The following PTPRQ variants were observed in gnomAD, a reference collection of about 807,000 sequenced individuals.
PTPRQ encodes the protein phosphatidylinositol phosphatase PTPRQ.
In PTPRQ, 199 loss-of-function variants were observed where a neutral mutation model predicts 246.0. That is an observed-to-expected ratio of 0.81 (90% confidence interval 0.72 to 0.91). PTPRQ has a LOEUF of 0.91. Ranked by LOEUF, PTPRQ falls within the 40% of genes least tolerant of loss-of-function variation. The probability of loss-of-function intolerance (pLI) is 0.00; values close to 1 mark genes in which losing one functional copy is unlikely to be tolerated. For missense variants in PTPRQ, 2,624 were observed against 2,528.4 expected (o/e 1.04, Z -0.81); for synonymous variants, 869 against 853.2 (o/e 1.02, Z -0.32).
intron 20 of PTPRQ, among the ~76,000 whole-genome samples, chr12:80,541,295 G>C (rs575981546): frequency 6.6e-6 from 1 of 151,918 alleles, no homozygotes; most frequent in African/African-American, 2.4e-5. Flanking sequence ...TCTCCACATA[G>C]TAGGAAAGAA....
chr12:80,539,824 T>C lies in PTPRQ; in HGVS notation c.3034T>C (p.Ser1012Pro). The change falls in exon 20 of 45, where the codon TCC becomes CCC. Residue 1012 changes from serine (S) to proline (P), a missense_variant. Ser to Pro is a moderately conservative substitution (Grantham distance 74). Transcript: ENST00000644991. ...CAATGACTTTGACAATATGACTGTA[T>C]CCACAATTATAGATAAACTGACAAT... is the stretch of plus-strand genomic sequence containing the variant. ...VTNDFDNMTV[S>P]TIIDKLTIFS... 2 of 1,548,210 alleles carry C rather than the reference T, an allele frequency of 1.3e-6. No homozygotes were observed. Among genetic ancestry groups the C allele is most frequent in the African/African-American group, 1.4e-5 (1 of 73,036 alleles).
intron 9 of PTPRQ, among the ~76,000 whole-genome samples, chr12:80,486,899 A>G (rs12369581): frequency 0.21 from 31,662 of 151,972 alleles, 3,629 homozygotes; most frequent in African/African-American, 0.28. Context: ...TTTTGAAACT[A>G]TTTGTTCCTT....
chr12:80,605,923 G>A (rs11831880), intron 27 of PTPRQ, among the ~76,000 whole-genome samples: 8,683 of 150,854 alleles, frequency 0.058, 773 homozygotes, highest in African/African-American at 0.19. Flanking sequence ...AGTATGGGGG[G>A]TGTAAAATCA....
chr12:80,515,742 C>CTTTTT (rs34385655), intron 17 of PTPRQ, among the ~76,000 whole-genome samples: 1 of 137,890 alleles, frequency 7.3e-6, no homozygotes, highest in South Asian at 2.3e-4. Context: ...CTGAATATTT[C>CTTTTT]TTTTTTTTTT....
At chr12:80,585,368 T>G (rs1351606374) in intron 25 of PTPRQ, among the ~76,000 whole-genome samples, 2 of 152,168 alleles carry the variant, frequency 1.3e-5, no homozygotes, top group East Asian at 3.8e-4. Flanking sequence ...GAGCTGAATG[T>G]TTCTCTTCAC....
intron 14 of PTPRQ, among the ~76,000 whole-genome samples, chr12:80,505,167 G>T (rs996408490): frequency 7.8e-4 from 118 of 151,912 alleles, no homozygotes; most frequent in African/African-American, 2.7e-3. Flanking sequence ...AAATGCAAAG[G>T]CACCAGGATT....
intron 8 of PTPRQ, among the ~76,000 whole-genome samples, chr12:80,479,178 T>A (rs1403505273): frequency 6.6e-6 from 1 of 151,626 alleles, no homozygotes; most frequent in African/African-American, 2.4e-5. Flanking sequence ...AGCAGATCTC[T>A]CGGCAGAAAC....
chr12:80,514,402 A>ACACACACACACACACACACTCTCTCTCT (rs552667526), intron 17 of PTPRQ, among the ~76,000 whole-genome samples: 2 of 112,980 alleles, frequency 1.8e-5, no homozygotes, highest in African/African-American at 6.5e-5. Flanking sequence ...ACACACACAC[A>ACACACACACACACACACACTCTCTCTCT]CTCTCTCTCT....
chr12:80,452,085 T>C (rs1030339155), intron 3 of PTPRQ, among the ~76,000 whole-genome samples: 1 of 62,462 alleles, frequency 1.6e-5, no homozygotes, highest in Non-Finnish European at 3.0e-5. Flanking sequence ...TAGTTAGCTC[T>C]TCTTGTTGAA....
intron 25 of PTPRQ, among the ~76,000 whole-genome samples, chr12:80,579,864 G>A (rs1328492583): frequency 6.6e-6 from 1 of 152,022 alleles, no homozygotes; most frequent in African/African-American, 2.4e-5. Context: ...TGGGAAGATT[G>A]GGTTGATAAT....
chr12:80,590,302 C>G (rs77608456), intron 26 of PTPRQ, among the ~76,000 whole-genome samples: 1 of 152,082 alleles, frequency 6.6e-6, no homozygotes, highest in Admixed American at 6.5e-5. Context: ...ACAGCACTAG[C>G]CTAACTAGCC....
intron 33 of PTPRQ, among the ~76,000 whole-genome samples, chr12:80,628,542 A>G (rs978405935): frequency 1.3e-5 from 2 of 152,164 alleles, no homozygotes; most frequent in African/African-American, 4.8e-5. Flanking sequence ...TAATTTTTAT[A>G]TTCTTATTTG....
intron 38 of PTPRQ, among the ~76,000 whole-genome samples, chr12:80,654,031 C>CT (rs959148491): frequency 1.1e-4 from 16 of 149,846 alleles, no homozygotes; most frequent in East Asian, 3.9e-4. Flanking sequence ...TTCTTTCTTT[C>CT]TTTTTTTTCT....
intron 30 of PTPRQ, among the ~76,000 whole-genome samples, chr12:80,617,942 C>T (rs1898826730): frequency 6.6e-6 from 1 of 151,300 alleles, no homozygotes; most frequent in African/African-American, 2.4e-5. Context: ...CCTCTTCCTA[C>T]TGAATCCTGC....
Position 80,652,824 on chromosome 12 carries a change from C to T in PTPRQ, c.6105C>T (p.Asn2035=), listed in dbSNP as rs1464299990. The change falls in exon 38 of 45, where the codon AAC becomes AAT. Residue 2035 remains asparagine, a synonymous_variant. Coordinates refer to ENST00000644991, the MANE Select transcript of PTPRQ (RefSeq NM_001145026.2). ...PWNRAKNRFP[N]IKPYNNNRVK... ...ATAGAGCAAAAAACCGCTTCCCAAA[C>T]ATAAAACCATGTATGTGCATTTGTT... 2.5e-5 allele frequency: 37 copies of T among 1,503,862 alleles called. No homozygotes were observed. The highest frequency in any genetic ancestry group is 1.7e-4 in the Middle Eastern group (1 of 5,872). The allele number at this position is 1,503,862 out of a possible 1,614,324, so 93.2% of individuals were successfully genotyped here.
chr12:80,471,474 A>ATTTTTTTTTTT lies in PTPRQ; in HGVS notation c.1040-624_1040-614dup, dbSNP rs1176393485. 1.1e-3 allele frequency among the ~76,000 whole-genome samples: 82 copies of ATTTTTTTTTTT among 73,210 alleles called. 18 individuals carry two copies. Among genetic ancestry groups the ATTTTTTTTTTT allele is most frequent in the African/African-American group, 3.1e-3 (52 of 16,872 alleles). 48.0% of individuals were successfully genotyped at this position (73,210 alleles called of 152,430 possible). A position where few individuals can be genotyped will look rare whatever the true frequency, so the allele number is the denominator to read the frequency against. ...ATAGAAGATAATGAAATTATTTAGC[A>ATTTTTTTTTTT]TTTTTTTTTTTTTTTTTATTTGAGA... On this transcript the variant is annotated intron_variant, in intron 7 of 44. Coordinates refer to ENST00000644991, the MANE Select transcript of PTPRQ (RefSeq NM_001145026.2).
intron 3 of PTPRQ, among the ~76,000 whole-genome samples, chr12:80,448,338 C>T (rs904774087): frequency 6.6e-6 from 1 of 151,972 alleles, no homozygotes; most frequent in African/African-American, 2.4e-5. Context: ...CATCAGTGAA[C>T]AAAGATAGTA....
intron 24 of PTPRQ, among the ~76,000 whole-genome samples, chr12:80,547,650 C>T (rs1425746075): frequency 2.0e-5 from 3 of 152,124 alleles, no homozygotes; most frequent in Non-Finnish European, 4.4e-5. Flanking sequence ...AGCCCCATGA[C>T]CTACTAGTTG....
chr12:80,534,896 A>G lies in PTPRQ; in HGVS notation c.2844A>G (p.Pro948=). The G allele has an allele frequency of 6.5e-7, 1 of 1,548,410 alleles. No homozygotes were observed. Among genetic ancestry groups the G allele is most frequent in the Non-Finnish European group, 8.7e-7 (1 of 1,145,718 alleles). The change falls in exon 19 of 45, where the codon CCA becomes CCG. Residue 948 remains proline (P), a synonymous_variant. Coordinates refer to ENST00000644991, the MANE Select transcript of PTPRQ (RefSeq NM_001145026.2). ...IISFQTPEGA[P]SDPPKDVYYA... is the part of the protein sequence containing the mutation. Reference sequence around the variant, plus strand: ...GTTCAATTATTTGTTTTATAGCACCAAGCGATCCTCCCAAAGATGTTTATT... The same window carrying G: ...GTTCAATTATTTGTTTTATAGCACCGAGCGATCCTCCCAAAGATGTTTATT...
Sources: allele counts gnomAD v4.1 joint callset (sites outside exome capture counted in the v4.1 genomes callset), GRCh38; gene constraint gnomAD v4.1.1; transcripts MANE v1.5; gene names NCBI Gene and HGNC (gene_info 2026-07-23, HGNC 2026-07-21).